The following FYN variants were observed in gnomAD, a reference collection of about 807,000 sequenced individuals.
FYN encodes FYN proto-oncogene, Src family tyrosine kinase, also known as tyrosine-protein kinase Fyn.
In FYN, 10 loss-of-function variants were observed where a neutral mutation model predicts 70.2. The observed-to-expected ratio is 0.14, with a 90% CI of 0.09 to 0.24. The LOEUF is 0.24. Among genes scored for constraint, FYN ranks in the 10% least tolerant of loss-of-function variants. The probability of loss-of-function intolerance (pLI) is 1.00; values close to 1 mark genes in which losing one functional copy is unlikely to be tolerated. For missense variants in FYN, 319 were observed against 673.1 expected, an observed-to-expected ratio of 0.47 and a Z score of 5.82; for synonymous variants, 236 against 248.6, an observed-to-expected ratio of 0.95 and a Z score of 0.48.
chr6:111,759,280 C>T (rs1400881777), intron 3 of FYN: 1 of 152,170 alleles, frequency 6.6e-6, no homozygotes, highest in Non-Finnish European at 1.5e-5. Flanking sequence ...AAAACCAGAA[C>T]ATAGATCTTT....
At chr6:111,814,359 G>A (rs1772419067) in intron 2 of FYN, among the ~76,000 whole-genome samples, 1 of 152,104 alleles carries the variant, frequency 6.6e-6, no homozygotes, top group African/African-American at 2.4e-5. Flanking sequence ...TTTCATTGAT[G>A]AGGTCCCATA....
chr6:111,691,120 AGTGG>A (rs1799297336), intron 12 of FYN, among the ~76,000 whole-genome samples: 1 of 152,222 alleles, frequency 6.6e-6, no homozygotes, highest in South Asian at 2.1e-4. Context: ...GAGTGCTGTC[AGTGG>A]AAGACCACCT....
At chr6:111,862,082 G>A (rs1057196371) in intron 1 of FYN, among the ~76,000 whole-genome samples, 6 of 152,132 alleles carry the variant, frequency 3.9e-5, no homozygotes, top group African/African-American at 1.4e-4. Context: ...AATACTTTCA[G>A]GCCCAACAAT....
At chr6:111,704,238 T>C (rs569923588) in intron 6 of FYN, 136 bp from the exon 7 acceptor site, 5 of 647,792 alleles carry the variant, frequency 7.7e-6, no homozygotes, top group East Asian at 5.4e-5. Context: ...GTATTTTTTT[T>C]CTAGCTTAAT....
intron 3 of FYN, among the ~76,000 whole-genome samples, chr6:111,729,230 T>G (rs1402962547): frequency 6.6e-6 from 1 of 151,996 alleles, no homozygotes; most frequent in Non-Finnish European, 1.5e-5. Flanking sequence ...TTCCAGCACT[T>G]TGGGAGGCTG....
At chr6:111,758,224 G>C (rs1376761361) in intron 3 of FYN, among the ~76,000 whole-genome samples, 1 of 152,280 alleles carries the variant, frequency 6.6e-6, no homozygotes, top group East Asian at 1.9e-4. Context: ...CATAAATTTA[G>C]TGACTAAAAA....
rs111655883 is a variant in FYN, at chr6:111,852,876, T to C, written c.-122-6247A>G. On this transcript the variant is annotated intron_variant, in intron 1 of 13. Transcript: ENST00000354650. The stretch of plus-strand genomic sequence containing the variant: ...AGTTGCCATGGAAACGATGTCATAG[T>C]GTGTAAAACCATTTACTGTCCTTGG... 2.7e-3 allele frequency among the ~76,000 whole-genome samples: 412 copies of C among 152,336 alleles called. 2 individuals are homozygous for C. The highest frequency in any genetic ancestry group is 9.5e-3 in the African/African-American group (396 of 41,572).
At chr6:111,752,987 G>A (rs1026587330) in intron 3 of FYN, among the ~76,000 whole-genome samples, 3 of 152,102 alleles carry the variant, frequency 2.0e-5, no homozygotes, top group Non-Finnish European at 2.9e-5. Flanking sequence ...GTAAGTGGGG[G>A]AAATTAACTT....
At chr6:111,811,128 TAC>T (rs1393065749) in intron 2 of FYN, among the ~76,000 whole-genome samples, 1 of 152,238 alleles carries the variant, frequency 6.6e-6, no homozygotes, top group Non-Finnish European at 1.5e-5. Flanking sequence ...TTGCTGAATA[TAC>T]AAGTAGTCAG....
intron 3 of FYN, among the ~76,000 whole-genome samples, chr6:111,766,732 C>T (rs551233133): frequency 1.3e-5 from 2 of 152,302 alleles, no homozygotes; most frequent in South Asian, 2.1e-4. Flanking sequence ...CATCAAATCT[C>T]GTGAGAACTC....
chr6:111,842,931 C>T (rs911189604), intron 2 of FYN, among the ~76,000 whole-genome samples: 6 of 152,242 alleles, frequency 3.9e-5, no homozygotes, highest in Non-Finnish European at 8.8e-5. Flanking sequence ...AACTCACTCA[C>T]TCAGAGGAAA....
At chr6:111,679,231 A>C (rs1157038263) in intron 12 of FYN, among the ~76,000 whole-genome samples, 1 of 152,240 alleles carries the variant, frequency 6.6e-6, no homozygotes, top group African/African-American at 2.4e-5. Flanking sequence ...GCTCCTAGCC[A>C]AAGTGTTACT....
intron 12 of FYN, among the ~76,000 whole-genome samples, chr6:111,681,114 A>G (rs1338240535): frequency 6.7e-6 from 1 of 149,266 alleles, no homozygotes; most frequent in Non-Finnish European, 1.5e-5. Flanking sequence ...TGCAACCTCC[A>G]CCTCATGGGT....
In FYN at chr6:111,815,898, C is replaced by T. The variant is rs185656447; in HGVS notation, c.-82+30691G>A. ...TAGTTTTTGTAGAGACGGGGTTTTG[C>T]CATGCTGCCCAGCTTGGTCTTGAAC... On this transcript the variant is annotated intron_variant, in intron 2 of 13. Coordinates refer to ENST00000354650, the MANE Select transcript of FYN (RefSeq NM_002037.5). Among the ~76,000 whole-genome samples, 156 of 152,066 alleles carry T rather than the reference C, an allele frequency of 1.0e-3. 1 individual carries two copies. Among genetic ancestry groups the T allele is most frequent in the African/African-American group, 3.6e-3 (150 of 41,468 alleles).
At chr6:111,739,694 G>C (rs370154149) in intron 3 of FYN, among the ~76,000 whole-genome samples, 7 of 152,320 alleles carry the variant, frequency 4.6e-5, no homozygotes, top group East Asian at 3.9e-4. Context: ...AGTGTACAAA[G>C]CCATGATTAA....
chr6:111,756,494 T>A (rs1479124347), intron 3 of FYN, among the ~76,000 whole-genome samples: 1 of 151,330 alleles, frequency 6.6e-6, no homozygotes, highest in Non-Finnish European at 1.5e-5. Flanking sequence ...TAGGACTATC[T>A]CAGAACCAAA....
intron 3 of FYN, among the ~76,000 whole-genome samples, chr6:111,726,964 A>G (rs946820598): frequency 1.3e-5 from 2 of 152,186 alleles, no homozygotes; most frequent in Non-Finnish European, 2.9e-5. Context: ...GCCTTCTGCC[A>G]TAATTGTAAG....
At chr6:111,808,845 G>A (rs574360798) in intron 2 of FYN, among the ~76,000 whole-genome samples, 4 of 152,278 alleles carry the variant, frequency 2.6e-5, no homozygotes, top group South Asian at 4.1e-4. Flanking sequence ...ACACAACTTC[G>A]TCCAGAGAAG....
intron 3 of FYN, among the ~76,000 whole-genome samples, chr6:111,724,395 C>A (rs1027820099): frequency 5.3e-5 from 8 of 152,182 alleles, no homozygotes; most frequent in Admixed American, 2.0e-4. Flanking sequence ...TGAACATACA[C>A]TCCCTCCTCC....
Sources: allele counts gnomAD v4.1 joint callset (sites outside exome capture counted in the v4.1 genomes callset), GRCh38; gene constraint gnomAD v4.1.1; transcripts MANE v1.5; gene names NCBI Gene and HGNC (gene_info 2026-07-23, HGNC 2026-07-21).